Variants in DHRSX observed in about 807,000 individuals in gnomAD.
DHRSX encodes dehydrogenase/reductase X-linked.
Under a neutral mutation model 34.0 loss-of-function variants are expected in DHRSX, and 31 were observed. That is an observed-to-expected ratio of 0.91 (90% CI 0.69 to 1.23). The LOEUF (loss-of-function observed/expected upper bound fraction) is 1.23. Among genes scored for constraint, DHRSX ranks in the 50% most tolerant of loss-of-function variants. The pLI is 0.00. For missense variants in DHRSX, 414 were observed against 428.1 expected (o/e 0.97, Z 0.29); for synonymous variants, 201 against 183.8 (o/e 1.09, Z -0.76).
At chrX:2,419,197 G>A (rs1376519443) in intron 2 of DHRSX, among the ~76,000 whole-genome samples, 2 of 152,070 alleles carry the variant, frequency 1.3e-5, no homozygotes, top group African/African-American at 4.8e-5. Flanking sequence ...ATTAGGTCAC[G>A]AGGGTGGAGC....
chrX:2,451,672 G>A (rs1396375701), intron 1 of DHRSX, among the ~76,000 whole-genome samples: 1 of 152,176 alleles, frequency 6.6e-6, no homozygotes, highest in Non-Finnish European at 1.5e-5. Context: ...TGGGACAGGC[G>A]GTGACAGAGA....
chrX:2,360,943 G>C (rs1408107600), intron 3 of DHRSX, among the ~76,000 whole-genome samples: 8 of 152,130 alleles, frequency 5.3e-5, no homozygotes, highest in Non-Finnish European at 8.8e-5. Flanking sequence ...GATGGAGCTG[G>C]AATTTGGGGA....
At chrX:2,316,430 T>C (rs1362014463) in intron 3 of DHRSX, among the ~76,000 whole-genome samples, 1 of 152,090 alleles carries the variant, frequency 6.6e-6, no homozygotes, top group Non-Finnish European at 1.5e-5. Flanking sequence ...TGGGCGCCTG[T>C]AATCCCAGCT....
intron 1 of DHRSX, among the ~76,000 whole-genome samples, chrX:2,445,837 A>G (rs1416879712): frequency 6.6e-6 from 1 of 151,618 alleles, no homozygotes; most frequent in African/African-American, 2.4e-5. Flanking sequence ...CACCGTGTAC[A>G]CACTGAGGAC....
intron 1 of DHRSX, among the ~76,000 whole-genome samples, chrX:2,449,057 C>T (rs1212279167): frequency 1.7e-4 from 26 of 151,964 alleles, no homozygotes; most frequent in Admixed American, 1.2e-3. Flanking sequence ...GGTGTGGTGG[C>T]GGGCGCCTGT....
At chrX:2,421,683 C>T (rs1046895188) in intron 2 of DHRSX, among the ~76,000 whole-genome samples, 5 of 152,122 alleles carry the variant, frequency 3.3e-5, no homozygotes, top group Non-Finnish European at 5.9e-5. Context: ...GGGCAGCAGC[C>T]GTGCATTTGC....
intron 4 of DHRSX, among the ~76,000 whole-genome samples, chrX:2,283,669 G>T (rs1251270683): frequency 6.6e-6 from 1 of 152,158 alleles, no homozygotes. Flanking sequence ...TTCCCCGAAT[G>T]AATCTTCCTT....
chrX:2,437,519 G>C (rs1307251667), intron 1 of DHRSX, among the ~76,000 whole-genome samples: 1 of 151,908 alleles, frequency 6.6e-6, no homozygotes, highest in African/African-American at 2.4e-5. Context: ...TGGGAGGATT[G>C]CTTGAGCCTG....
At chrX:2,394,031 T>C (rs1174899223) in intron 3 of DHRSX, among the ~76,000 whole-genome samples, 3 of 152,208 alleles carry the variant, frequency 2.0e-5, no homozygotes, top group Non-Finnish European at 4.4e-5. Flanking sequence ...CGAGCACTCA[T>C]GAGTTTCATG....
intron 3 of DHRSX, among the ~76,000 whole-genome samples, chrX:2,308,408 A>G (rs2042125922): frequency 6.6e-6 from 1 of 152,138 alleles, no homozygotes; most frequent in Admixed American, 6.6e-5. Flanking sequence ...CAATTGTTTT[A>G]ACAATTGTTC....
At chrX:2,244,806 G>C (rs1475479372) in intron 5 of DHRSX, among the ~76,000 whole-genome samples, 3 of 151,900 alleles carry the variant, frequency 2.0e-5, no homozygotes, top group Non-Finnish European at 4.4e-5. Flanking sequence ...CCTCCTCTCG[G>C]GTTCAAGTCA....
intron 1 of DHRSX, among the ~76,000 whole-genome samples, chrX:2,476,319 G>A (rs929161169): frequency 6.6e-6 from 1 of 151,484 alleles, no homozygotes; most frequent in African/African-American, 2.4e-5. Flanking sequence ...AACTGCTTAA[G>A]CCCAGGAGAT....
chrX:2,301,785 C>T (rs1432172008), intron 3 of DHRSX, among the ~76,000 whole-genome samples: 1 of 152,088 alleles, frequency 6.6e-6, no homozygotes, highest in Non-Finnish European at 1.5e-5. Flanking sequence ...ACTACAGGCA[C>T]CCGCCACCAC....
intron 5 of DHRSX, among the ~76,000 whole-genome samples, chrX:2,250,515 C>T (rs1485176725): frequency 3.9e-5 from 6 of 152,050 alleles, no homozygotes; most frequent in Admixed American, 6.6e-5. Flanking sequence ...GACCAATTCC[C>T]GGAGCTGAAG....
Position 2,376,564 on chromosome X carries a change from T to G in DHRSX, c.286+32181A>C, listed in dbSNP as rs1224247278. 2.2e-5 allele frequency among the ~76,000 whole-genome samples: 3 copies of G among 137,734 alleles called. 1 individual carries two copies. The highest frequency in any genetic ancestry group is 5.1e-5 in the Non-Finnish European group (3 of 58,348). 90.4% of individuals were successfully genotyped at this position (137,734 alleles called of 152,430 possible). ...CAGAACCTAGGAATGAAAGCTCACTTGGATATCAGATCTTTGCATACAATT... is the reference window on the plus strand; with the variant it reads ...CAGAACCTAGGAATGAAAGCTCACTGGGATATCAGATCTTTGCATACAATT... On this transcript the variant is annotated intron_variant, in intron 3 of 6. Coordinates refer to ENST00000334651, the MANE Select transcript of DHRSX (RefSeq NM_145177.3).
chrX:2,343,502 C>T (rs1441719721), intron 3 of DHRSX, among the ~76,000 whole-genome samples: 1 of 152,174 alleles, frequency 6.6e-6, no homozygotes, highest in Non-Finnish European at 1.5e-5. Context: ...AACCAAACAC[C>T]CTCTTCCATT....
intron 1 of DHRSX, among the ~76,000 whole-genome samples, chrX:2,449,892 T>A (rs554160001): frequency 2.6e-4 from 39 of 152,234 alleles, no homozygotes; most frequent in African/African-American, 9.1e-4. Flanking sequence ...TCCACCGGCC[T>A]AAAGTGCTGG....
At chrX:2,407,087 A>G (rs2043564670) in intron 3 of DHRSX, among the ~76,000 whole-genome samples, 1 of 152,202 alleles carries the variant, frequency 6.6e-6, no homozygotes, top group African/African-American at 2.4e-5. Flanking sequence ...TGCAGCCATG[A>G]AAAAGGAGGA....
intron 2 of DHRSX, among the ~76,000 whole-genome samples, chrX:2,421,668 G>A (rs185776087): frequency 1.6e-3 from 239 of 152,242 alleles, no homozygotes; most frequent in African/African-American, 5.3e-3. Context: ...AAAACACAGA[G>A]GTGTGGGCAG....
Sources: gnomAD v4.1 joint callset for allele counts (sites outside exome capture counted in the v4.1 genomes callset) on GRCh38, gnomAD v4.1.1 for gene constraint, MANE v1.5 for transcripts, NCBI Gene and HGNC (gene_info 2026-07-23, HGNC 2026-07-21) for gene names.